CAAP1: variants seen among roughly 807,000 people sequenced by gnomAD.
CAAP1 encodes the protein caspase activity and apoptosis inhibitor 1.
Under a neutral mutation model 34.0 loss-of-function variants are expected in CAAP1, and 20 were observed. That is an observed-to-expected ratio of 0.59 (90% confidence interval 0.41 to 0.86). CAAP1 has a LOEUF of 0.86. Ranked by LOEUF, CAAP1 falls within the 40% of genes least tolerant of loss-of-function variation. CAAP1 has a pLI of 0.00. For synonymous variants in CAAP1, 213 were observed against 166.7 expected (o/e 1.28, Z -2.14); for missense variants, 538 against 450.5 (o/e 1.19, Z -1.76).
chr9:26,856,649 T>C (rs894121018), intron 5 of CAAP1, among the ~76,000 whole-genome samples: 1 of 152,216 alleles, frequency 6.6e-6, no homozygotes, highest in African/African-American at 2.4e-5. Flanking sequence ...ATCAGAAACA[T>C]GTCTTAGAAG....
intron 5 of CAAP1, among the ~76,000 whole-genome samples, chr9:26,858,373 T>C (rs1028658732): frequency 1.3e-5 from 2 of 152,254 alleles, no homozygotes; most frequent in African/African-American, 4.8e-5. Context: ...CAAGTTACTA[T>C]CTAGTCAGAT....
chr9:26,866,538 G>A (rs1823142956), intron 4 of CAAP1, among the ~76,000 whole-genome samples: 1 of 152,122 alleles, frequency 6.6e-6, no homozygotes, highest in Non-Finnish European at 1.5e-5. Context: ...ATTCAAATAA[G>A]TAAGTTGTTA....
intron 5 of CAAP1, among the ~76,000 whole-genome samples, chr9:26,846,437 A>AG (rs1822605093): frequency 6.9e-6 from 1 of 144,736 alleles, no homozygotes. Flanking sequence ...AAAAAAAAAA[A>AG]AAGAAGAAGA....
At chr9:26,866,102 C>T (rs1823131652) in intron 4 of CAAP1, among the ~76,000 whole-genome samples, 1 of 152,166 alleles carries the variant, frequency 6.6e-6, no homozygotes, top group South Asian at 2.1e-4. Flanking sequence ...CCACCTTGGC[C>T]TCCCAAAGTG....
At chr9:26,866,980 G>A (rs1216514477) in intron 4 of CAAP1, among the ~76,000 whole-genome samples, 2 of 152,096 alleles carry the variant, frequency 1.3e-5, no homozygotes, top group South Asian at 2.1e-4. Flanking sequence ...GGAGGTGAGC[G>A]GTGGTGGGCA....
At chr9:26,865,745 C>A (rs1823121198) in intron 4 of CAAP1, among the ~76,000 whole-genome samples, 1 of 152,106 alleles carries the variant, frequency 6.6e-6, no homozygotes, top group Admixed American at 6.6e-5. Context: ...CTCATTTAAT[C>A]ATCATAACAA....
At chr9:26,865,597 C>T (rs910573663) in intron 4 of CAAP1, among the ~76,000 whole-genome samples, 4 of 152,094 alleles carry the variant, frequency 2.6e-5, no homozygotes, top group African/African-American at 9.7e-5. Context: ...ATCCCCAATA[C>T]TCATCAGTAT....
At chr9:26,848,340 C>T (rs1282014224) in intron 5 of CAAP1, among the ~76,000 whole-genome samples, 4 of 151,998 alleles carry the variant, frequency 2.6e-5, no homozygotes, top group Non-Finnish European at 5.9e-5. Context: ...AGTGAAGCCC[C>T]GTCTCTACCA....
Position 26,842,161 on chromosome 9 carries a change from C to T in CAAP1, c.*140G>A. 1.7e-6 allele frequency: 1 copy of T among 605,824 alleles called. No homozygotes were observed. The allele number at this position is 605,824 out of a possible 1,614,324, so 37.5% of individuals were successfully genotyped here. On this transcript the variant is annotated 3_prime_UTR_variant, in exon 6 of 6. Transcript: ENST00000333916. Reference sequence around the variant, plus strand: ...TCAAAAAAATAAAAAGAAACAGCCACAGGTAATTTAGGGCTAAAATGAGTC... The same window carrying T: ...TCAAAAAAATAAAAAGAAACAGCCATAGGTAATTTAGGGCTAAAATGAGTC...
At chr9:26,891,559 T>C (rs1197848980) in intron 1 of CAAP1, among the ~76,000 whole-genome samples, 1 of 148,880 alleles carries the variant, frequency 6.7e-6, no homozygotes, top group Non-Finnish European at 1.5e-5. Context: ...GGTGTTTGTA[T>C]TGTAGTCACA....
chr9:26,870,043 T>A, intron 4 of CAAP1: 3 of 554,988 alleles, frequency 5.4e-6, no homozygotes, highest in Non-Finnish European at 6.8e-6. Context: ...GAATAACTTT[T>A]TTTTTTTTTT....
In CAAP1 at chr9:26,887,587, G is replaced by A. The variant is rs1000580726; in HGVS notation, c.304-74C>T. On this transcript the variant is annotated intron_variant, in intron 1 of 5. Transcript: ENST00000333916. ...AAAGAATACGTACATGACATCATAC[G>A]TTTTCATTTAATAAATTCTTCTTCA... 8.3e-6 allele frequency: 7 copies of A among 842,810 alleles called. No individual in the cohort carries two copies. The African/African-American group carries it at 1.0e-4, about 13-fold the overall frequency. The allele number at this position is 842,810 out of a possible 1,614,324, so 52.2% of individuals were successfully genotyped here. A position where few individuals can be genotyped will look rare whatever the true frequency, so the allele number is the denominator to read the frequency against.
intron 5 of CAAP1, among the ~76,000 whole-genome samples, chr9:26,846,053 T>C (rs1375469594): frequency 6.6e-6 from 1 of 152,062 alleles, no homozygotes; most frequent in Admixed American, 6.5e-5. Context: ...TTATTCAAAA[T>C]GAATTTAATT....
chr9:26,862,815 A>C (rs1823034198), intron 4 of CAAP1, among the ~76,000 whole-genome samples: 1 of 152,154 alleles, frequency 6.6e-6, no homozygotes, highest in Admixed American at 6.5e-5. Flanking sequence ...ACTCAAGTTG[A>C]TACTCTGTTA....
chr9:26,881,799 C>A (rs1214079356), intron 4 of CAAP1, among the ~76,000 whole-genome samples: 7 of 152,134 alleles, frequency 4.6e-5, no homozygotes, highest in Non-Finnish European at 7.3e-5. Flanking sequence ...GCCCAGAAGA[C>A]AGGAAAATGT....
chr9:26,865,783 G>C (rs1374959494), intron 4 of CAAP1, among the ~76,000 whole-genome samples: 1 of 152,090 alleles, frequency 6.6e-6, no homozygotes, highest in Non-Finnish European at 1.5e-5. Flanking sequence ...CTATTTTCCA[G>C]ATGAGAAAAA....
rs137968031 is a variant in CAAP1 at position 26,881,864 on chromosome 9, T to A, written c.665+2946A>T. On this transcript the variant is annotated intron_variant, in intron 4 of 5. Coordinates refer to ENST00000333916, the MANE Select transcript of CAAP1 (RefSeq NM_024828.4). ...TTAAATGGCTTTGACCAAATGCTGA[T>A]AATGATATGGACAAGGAAATCCAGG... 9.8e-3 allele frequency among the ~76,000 whole-genome samples: 1,486 copies of A among 152,324 alleles called. 18 individuals carry two copies. The highest frequency in any genetic ancestry group is 0.034 in the African/African-American group (1,399 of 41,572).
intron 4 of CAAP1, among the ~76,000 whole-genome samples, chr9:26,879,894 C>T (rs953433018): frequency 6.6e-6 from 1 of 152,158 alleles, no homozygotes; most frequent in African/African-American, 2.4e-5. Flanking sequence ...CATTGGCTTC[C>T]GTGCTTCTCA....
At chr9:26,884,376 T>C (rs1210444319) in intron 4 of CAAP1, among the ~76,000 whole-genome samples, 1 of 152,192 alleles carries the variant, frequency 6.6e-6, no homozygotes. Flanking sequence ...TACATGAACA[T>C]AACTATCTCT....
Sources: gnomAD v4.1 joint callset for allele counts (sites outside exome capture counted in the v4.1 genomes callset) on GRCh38, gnomAD v4.1.1 for gene constraint, MANE v1.5 for transcripts, NCBI Gene and HGNC (gene_info 2026-07-23, HGNC 2026-07-21) for gene names.